The following BCKDHB variants were observed in gnomAD, a reference collection of about 807,000 sequenced individuals.
BCKDHB encodes branched chain keto acid dehydrogenase E1 subunit beta.
A neutral mutation model predicts 48.5 loss-of-function variants in BCKDHB; 41 were observed. The ratio of observed to expected loss-of-function variants is 0.85; its 90% CI spans 0.66 to 1.10. The LOEUF is 1.10. Among genes scored for constraint, BCKDHB ranks in the 50% least tolerant of loss-of-function variants. The pLI is 0.00. For synonymous variants in BCKDHB, 201 were observed against 174.8 expected, an observed-to-expected ratio of 1.15 and a Z score of -1.18; for missense variants, 496 against 494.2, an observed-to-expected ratio of 1.00 and a Z score of -0.03.
At chr6:80,296,431 A>G (rs1349015083) in intron 9 of BCKDHB, among the ~76,000 whole-genome samples, 1 of 152,224 alleles carries the variant, frequency 6.6e-6, no homozygotes, top group Non-Finnish European at 1.5e-5. Context: ...GGAGTTTCCC[A>G]TAAGTTTGGA....
At chr6:80,370,217 G>A in the BCKDHB span, among the ~76,000 whole-genome samples, 1 of 152,052 alleles carries the variant, frequency 6.6e-6, no homozygotes, top group African/African-American at 2.4e-5. Flanking sequence ...AAAAAAAGAG[G>A]TTAGAAGAGG....
intron 7 of BCKDHB, 63 bp downstream of exon 7, chr6:80,201,094 C>A (rs1774373621): frequency 1.5e-6 from 2 of 1,324,902 alleles, no homozygotes; most frequent in African/African-American, 1.5e-5. Context: ...CATTTTAAAT[C>A]CTGATACATG....
chr6:80,463,346 T>A, the BCKDHB span: 1 of 152,208 alleles, frequency 6.6e-6, no homozygotes, highest in African/African-American at 2.4e-5. Flanking sequence ...GTTCAAGCTG[T>A]GTTAGGGTTT....
intron 8 of BCKDHB, among the ~76,000 whole-genome samples, chr6:80,233,099 C>T (rs1776001726): frequency 6.6e-6 from 1 of 152,052 alleles, no homozygotes; most frequent in South Asian, 2.1e-4. Context: ...GCTTAATATG[C>T]TTGTTTTTAT....
At chr6:80,324,445 A>G (rs182868126) in intron 9 of BCKDHB, among the ~76,000 whole-genome samples, 1 of 152,210 alleles carries the variant, frequency 6.6e-6, no homozygotes, top group East Asian at 1.9e-4. Flanking sequence ...ACTTATTTTG[A>G]TAAGTTTTGG....
intron 9 of BCKDHB, among the ~76,000 whole-genome samples, chr6:80,342,590 A>G (rs1769972212): frequency 1.4e-5 from 2 of 146,348 alleles, no homozygotes; most frequent in South Asian, 2.2e-4. Flanking sequence ...GAAAGGGAAG[A>G]AAGGGGAAGG....
At chr6:80,405,909 G>T in the BCKDHB span, among the ~76,000 whole-genome samples, 1 of 152,128 alleles carries the variant, frequency 6.6e-6, no homozygotes, top group African/African-American at 2.4e-5. Flanking sequence ...CATGTGCCAT[G>T]TTGGCTTGCT....
chr6:80,430,041 C>T, the BCKDHB span, among the ~76,000 whole-genome samples: 8 of 152,284 alleles, frequency 5.3e-5, no homozygotes, highest in South Asian at 4.1e-4. Flanking sequence ...TACGTTCCAT[C>T]GATACCTAGT....
At chr6:80,315,010 G>T (rs953452490) in intron 9 of BCKDHB, among the ~76,000 whole-genome samples, 1 of 152,194 alleles carries the variant, frequency 6.6e-6, no homozygotes, top group Non-Finnish European at 1.5e-5. Flanking sequence ...CCCCACTGGG[G>T]TTCCATCCCC....
At chr6:80,404,596 T>A in the BCKDHB span, among the ~76,000 whole-genome samples, 1 of 151,964 alleles carries the variant, frequency 6.6e-6, no homozygotes, top group Non-Finnish European at 1.5e-5. Context: ...ATTTTCTTCT[T>A]TTTGCTAATT....
the BCKDHB span, among the ~76,000 whole-genome samples, chr6:80,413,627 A>G: frequency 6.6e-6 from 1 of 152,216 alleles, no homozygotes; most frequent in Non-Finnish European, 1.5e-5. Context: ...AAAGAACATG[A>G]TATCATTCTC....
chr6:80,283,030 G>T (rs1438285311), intron 9 of BCKDHB, among the ~76,000 whole-genome samples: 2 of 152,070 alleles, frequency 1.3e-5, no homozygotes, highest in Admixed American at 1.3e-4. Context: ...ACTCAGAATT[G>T]TCATGTGGGA....
At position 80,281,325 on chromosome 6, in the gene BCKDHB, A is replaced by C. The variant is rs1025969927; in HGVS notation, c.1038+8104A>C. 3.3e-5 allele frequency among the ~76,000 whole-genome samples: 5 copies of C among 152,262 alleles called. No homozygotes were observed. In the East Asian group the frequency reaches 9.7e-4, roughly 29 times the overall value. ...GAAGTTATGAAGCAGAGTGAGAGGG[A>C]GTGGCTTCAGAAAAGGAAGGGAGTA... On this transcript the variant is annotated intron_variant, in intron 9 of 9. Coordinates refer to ENST00000320393, the MANE Select transcript of BCKDHB (RefSeq NM_183050.4).
chr6:80,243,176 T>C (rs1266366003), intron 8 of BCKDHB, among the ~76,000 whole-genome samples: 1 of 152,180 alleles, frequency 6.6e-6, no homozygotes, highest in Non-Finnish European at 1.5e-5. Context: ...CACCTGGTAC[T>C]GAGACTAGAA....
chr6:80,460,688 T>C, the BCKDHB span, among the ~76,000 whole-genome samples: 3 of 152,188 alleles, frequency 2.0e-5, no homozygotes, highest in Non-Finnish European at 4.4e-5. Context: ...TTGTTACTAT[T>C]GTAAAAACCT....
the BCKDHB span, among the ~76,000 whole-genome samples, chr6:80,413,139 T>C: frequency 6.6e-6 from 1 of 152,170 alleles, no homozygotes; most frequent in Non-Finnish European, 1.5e-5. Context: ...CTTATAATGA[T>C]ATATAATTAC....
chr6:80,280,268 AAGT>A (rs1446118067), intron 9 of BCKDHB, among the ~76,000 whole-genome samples: 2 of 152,186 alleles, frequency 1.3e-5, no homozygotes, highest in Non-Finnish European at 1.5e-5. Flanking sequence ...GGCAAATAGA[AAGT>A]AGTAGGAGCT....
chr6:80,340,899 T>C (rs1769863411), intron 9 of BCKDHB, among the ~76,000 whole-genome samples: 1 of 152,202 alleles, frequency 6.6e-6, no homozygotes, highest in African/African-American at 2.4e-5. Context: ...AGAAACATAC[T>C]CACACATAAA....
At chr6:80,424,858 A>G in the BCKDHB span, among the ~76,000 whole-genome samples, 1 of 152,188 alleles carries the variant, frequency 6.6e-6, no homozygotes, top group African/African-American at 2.4e-5. Context: ...TGCCATTGCT[A>G]GGTTCCTAGC....
Sources: allele counts gnomAD v4.1 joint callset (sites outside exome capture counted in the v4.1 genomes callset), GRCh38; gene constraint gnomAD v4.1.1; transcripts MANE v1.5; gene names NCBI Gene and HGNC (gene_info 2026-07-23, HGNC 2026-07-21).